Variants in NRXN3 observed in about 807,000 individuals in gnomAD.
The protein encoded by NRXN3 is neurexin 3.
In NRXN3, 32 loss-of-function variants were observed where a neutral mutation model predicts 137.6. That is an observed-to-expected ratio of 0.23 (90% CI 0.18 to 0.31). NRXN3 has a LOEUF of 0.31. Among genes scored for constraint, NRXN3 ranks in the 10% least tolerant of loss-of-function variants. NRXN3 has a pLI of 1.00. For missense variants in NRXN3, 1,574 were observed against 2,062.5 expected, an observed-to-expected ratio of 0.76 and a Z score of 4.59; for synonymous variants, 798 against 784.5, an observed-to-expected ratio of 1.02 and a Z score of -0.29.
chr14:78,375,918 C>A (rs76185501), intron 4 of NRXN3, among the ~76,000 whole-genome samples: 6,111 of 151,948 alleles, frequency 0.04, 136 homozygotes, highest in Middle Eastern at 0.071. Context: ...CCAAGGAACC[C>A]TAAAAAGGAT....
intron 15 of NRXN3, among the ~76,000 whole-genome samples, chr14:79,144,593 C>T (rs1705215625): frequency 1.3e-5 from 2 of 152,136 alleles, no homozygotes; most frequent in Admixed American, 1.3e-4. Context: ...AAAGATTTTT[C>T]ATTAAGTTTT....
At chr14:79,241,459 G>A (rs1182299993) in intron 15 of NRXN3, among the ~76,000 whole-genome samples, 1 of 152,090 alleles carries the variant, frequency 6.6e-6, no homozygotes, top group Admixed American at 6.5e-5. Flanking sequence ...CTTACATGGC[G>A]GCAGGCAAGA....
At chr14:79,471,497 A>G (rs1018089363) in intron 16 of NRXN3, among the ~76,000 whole-genome samples, 2 of 152,224 alleles carry the variant, frequency 1.3e-5, no homozygotes, top group African/African-American at 4.8e-5. Context: ...CCTATGTATT[A>G]AAATTTCTTT....
chr14:79,171,649 A>G (rs1568491428), intron 15 of NRXN3, among the ~76,000 whole-genome samples: 1 of 152,168 alleles, frequency 6.6e-6, no homozygotes, highest in Admixed American at 6.5e-5. Flanking sequence ...CCTGATCATA[A>G]GAGTGGATAT....
intron 4 of NRXN3, among the ~76,000 whole-genome samples, chr14:78,494,247 T>C (rs1293168111): frequency 6.6e-6 from 1 of 152,166 alleles, no homozygotes; most frequent in African/African-American, 2.4e-5. Flanking sequence ...ACCAAGTCAT[T>C]AGTCCAATAT....
intron 17 of NRXN3, among the ~76,000 whole-genome samples, chr14:79,684,249 G>A (rs1290717758): frequency 6.6e-6 from 1 of 151,196 alleles, no homozygotes; most frequent in Non-Finnish European, 1.5e-5. Context: ...AAAGTATGTT[G>A]TATGAATGCA....
chr14:78,858,411 C>T lies in NRXN3; in HGVS notation c.2275+48067C>T, dbSNP rs1472868438. Among the ~76,000 whole-genome samples, 10 of 152,192 alleles carry T rather than the reference C, an allele frequency of 6.6e-5. No homozygotes were observed. In the South Asian group the frequency reaches 8.3e-4, roughly 13 times the overall value. The stretch of plus-strand genomic sequence containing the variant: ...GTTTGTAATGTGTGGATTTTTAGCC[C>T]GGCAAGCTAGATGTTCTACCTTCAC... On this transcript the variant is annotated intron_variant, in intron 10 of 20. Coordinates refer to ENST00000335750, the MANE Select transcript of NRXN3 (RefSeq NM_001330195.2).
intron 15 of NRXN3, among the ~76,000 whole-genome samples, chr14:79,438,593 CAACT>C (rs1040016207): frequency 9.4e-4 from 143 of 152,230 alleles, no homozygotes; most frequent in African/African-American, 3.1e-3. Context: ...GTTTTATAAA[CAACT>C]AACTGAGTAG....
At chr14:78,181,209 G>A (rs866391354) in intron 1 of NRXN3, among the ~76,000 whole-genome samples, 8 of 152,324 alleles carry the variant, frequency 5.3e-5, no homozygotes, top group African/African-American at 1.4e-4. Flanking sequence ...TTCAGACTTC[G>A]ATATGCCCGA....
At chr14:78,308,899 G>T (rs1261459463) in intron 4 of NRXN3, among the ~76,000 whole-genome samples, 1 of 151,996 alleles carries the variant, frequency 6.6e-6, no homozygotes, top group Non-Finnish European at 1.5e-5. Context: ...TTGCTAAATG[G>T]CAAATATGCA....
intron 16 of NRXN3, among the ~76,000 whole-genome samples, chr14:79,576,749 A>G (rs1347799140): frequency 2.0e-5 from 3 of 152,058 alleles, no homozygotes; most frequent in African/African-American, 7.2e-5. Flanking sequence ...TTCTTTTTCC[A>G]TAGACTCCTA....
intron 6 of NRXN3, among the ~76,000 whole-genome samples, chr14:78,707,128 A>T (rs541550880): frequency 6.6e-6 from 1 of 152,180 alleles, no homozygotes; most frequent in East Asian, 1.9e-4. Flanking sequence ...TAAGTGCTTC[A>T]CATGTTTTAA....
At chr14:78,446,352 G>A (rs1338432861) in intron 4 of NRXN3, among the ~76,000 whole-genome samples, 3 of 151,716 alleles carry the variant, frequency 2.0e-5, no homozygotes, top group South Asian at 2.1e-4. Context: ...AGATGGGGGC[G>A]TGCTTATGAA....
intron 16 of NRXN3, among the ~76,000 whole-genome samples, chr14:79,471,056 A>G (rs142259805): frequency 1.8e-4 from 28 of 151,798 alleles, no homozygotes; most frequent in African/African-American, 6.8e-4. Flanking sequence ...AAAGAAGACA[A>G]TTCCTAGAAA....
chr14:78,814,472 G>A (rs943461081), intron 10 of NRXN3, among the ~76,000 whole-genome samples: 12 of 152,072 alleles, frequency 7.9e-5, no homozygotes, highest in African/African-American at 1.9e-4. Context: ...AAAATTAGCC[G>A]GGTGTGGTGG....
At chr14:78,667,468 C>T (rs1374112905) in intron 6 of NRXN3, among the ~76,000 whole-genome samples, 2 of 152,106 alleles carry the variant, frequency 1.3e-5, no homozygotes, top group Non-Finnish European at 2.9e-5. Context: ...GCATACAATC[C>T]CTTTGAAAAC....
chr14:78,996,387 T>C (rs1025154224), intron 15 of NRXN3, among the ~76,000 whole-genome samples: 2 of 152,196 alleles, frequency 1.3e-5, no homozygotes, highest in Admixed American at 6.5e-5. Context: ...TTCAGAGTTA[T>C]GTTAGTCTGA....
chr14:78,971,028 G>A (rs2099437103), intron 14 of NRXN3, among the ~76,000 whole-genome samples: 1 of 152,210 alleles, frequency 6.6e-6, no homozygotes, highest in Non-Finnish European at 1.5e-5. Context: ...ATTAGCCTAA[G>A]TGGCCAGGAA....
chr14:79,568,618 C>T (rs898487919), intron 16 of NRXN3, among the ~76,000 whole-genome samples: 7 of 152,148 alleles, frequency 4.6e-5, no homozygotes, highest in African/African-American at 9.7e-5. Flanking sequence ...GAGCTAGAGC[C>T]GGGAGACTCC....
Sources: allele counts gnomAD v4.1 joint callset (sites outside exome capture counted in the v4.1 genomes callset), GRCh38; gene constraint gnomAD v4.1.1; transcripts MANE v1.5; gene names NCBI Gene and HGNC (gene_info 2026-07-23, HGNC 2026-07-21).